Variants in FBXL7 observed in about 807,000 individuals in gnomAD.
FBXL7 encodes the protein F-box and leucine rich repeat protein 7.
Under a neutral mutation model 38.3 loss-of-function variants are expected in FBXL7, and 12 were observed. The ratio of observed to expected loss-of-function variants is 0.31; its 90% CI spans 0.20 to 0.51. FBXL7 has a LOEUF of 0.51. Ranked by LOEUF, FBXL7 falls within the 20% of genes least tolerant of loss-of-function variation. The pLI is 0.98. For missense variants in FBXL7, 567 were observed against 676.4 expected (o/e 0.84, Z 1.79); for synonymous variants, 297 against 300.9 (o/e 0.99, Z 0.13).
At chr5:15,877,296 G>C (rs1023616369) in intron 2 of FBXL7, among the ~76,000 whole-genome samples, 2 of 152,216 alleles carry the variant, frequency 1.3e-5, no homozygotes, top group African/African-American at 4.8e-5. Flanking sequence ...GCCTATTTGA[G>C]AATTTGAATG....
At chr5:15,633,601 A>G (rs1266753216) in intron 2 of FBXL7, among the ~76,000 whole-genome samples, 1 of 151,820 alleles carries the variant, frequency 6.6e-6, no homozygotes, top group Non-Finnish European at 1.5e-5. Flanking sequence ...ATGCATCTGC[A>G]TTTATTTAAC....
intron 1 of FBXL7, among the ~76,000 whole-genome samples, chr5:15,598,721 A>T (rs548500206): frequency 1.3e-5 from 2 of 152,148 alleles, no homozygotes; most frequent in Admixed American, 1.3e-4. Context: ...GAGAGCACGC[A>T]TCTCTTTCTT....
At chr5:15,657,946 C>T (rs1190298515) in intron 2 of FBXL7, among the ~76,000 whole-genome samples, 1 of 152,056 alleles carries the variant, frequency 6.6e-6, no homozygotes, top group Admixed American at 6.6e-5. Flanking sequence ...TAAATTCTGC[C>T]TAAGGTGGAA....
intron 1 of FBXL7, among the ~76,000 whole-genome samples, chr5:15,599,625 T>C (rs765502798): frequency 6.6e-6 from 1 of 152,118 alleles, no homozygotes; most frequent in Non-Finnish European, 1.5e-5. Flanking sequence ...TCTCCTCCAG[T>C]TTTCCTTTCC....
At chr5:15,819,958 C>T (rs1738127298) in intron 2 of FBXL7, among the ~76,000 whole-genome samples, 2 of 152,182 alleles carry the variant, frequency 1.3e-5, no homozygotes, top group African/African-American at 2.4e-5. Flanking sequence ...GGTGATTTCT[C>T]CTCCTTTTCA....
chr5:15,722,199 T>C (rs1419205215), intron 2 of FBXL7, among the ~76,000 whole-genome samples: 1 of 152,230 alleles, frequency 6.6e-6, no homozygotes, highest in Non-Finnish European at 1.5e-5. Context: ...CTCAAAAATA[T>C]ACTGTAAACT....
intron 2 of FBXL7, among the ~76,000 whole-genome samples, chr5:15,782,476 C>G (rs988312622): frequency 9.9e-5 from 15 of 152,196 alleles, no homozygotes; most frequent in African/African-American, 3.6e-4. Flanking sequence ...TCTCCACATC[C>G]TCTCCAGCAT....
In FBXL7 at chr5:15,585,246, A is replaced by C. The variant is rs562464359; in HGVS notation, c.38-30737A>C. On this transcript the variant is annotated intron_variant, in intron 1 of 3. Coordinates refer to ENST00000504595, the MANE Select transcript of FBXL7 (RefSeq NM_012304.5). ...GATGAAAGGAAAGACAGAAATGTAC[A>C]CTGAGACCAAACCATGAACCTAATT... 2.0e-5 allele frequency among the ~76,000 whole-genome samples: 3 copies of C among 152,310 alleles called. No individual in the cohort carries two copies. The South Asian group carries it at 6.2e-4, about 32-fold the overall frequency.
intron 2 of FBXL7, among the ~76,000 whole-genome samples, chr5:15,830,485 AACAC>A (rs57825713): frequency 0.036 from 5,252 of 144,182 alleles, 152 homozygotes; most frequent in African/African-American, 0.07. Flanking sequence ...CTCCATCTAA[AACAC>A]ACACACACAC....
At chr5:15,742,473 C>G (rs952010661) in intron 2 of FBXL7, among the ~76,000 whole-genome samples, 1 of 152,132 alleles carries the variant, frequency 6.6e-6, no homozygotes, top group African/African-American at 2.4e-5. Flanking sequence ...CTCCCTACCC[C>G]CAGAACAGTG....
At chr5:15,556,081 T>TGTC (rs1738229939) in intron 1 of FBXL7, among the ~76,000 whole-genome samples, 1 of 117,520 alleles carries the variant, frequency 8.5e-6, no homozygotes, top group Non-Finnish European at 1.7e-5. Flanking sequence ...GTTTATTATC[T>TGTC]ATCATCTATC....
At chr5:15,865,164 C>T (rs1739650639) in intron 2 of FBXL7, among the ~76,000 whole-genome samples, 1 of 152,262 alleles carries the variant, frequency 6.6e-6, no homozygotes, top group East Asian at 1.9e-4. Context: ...TTCCAGCCCC[C>T]AAAAGGTCTC....
At chr5:15,867,757 G>A (rs902840317) in intron 2 of FBXL7, among the ~76,000 whole-genome samples, 1 of 152,166 alleles carries the variant, frequency 6.6e-6, no homozygotes, top group Non-Finnish European at 1.5e-5. Context: ...CAACAAAGAG[G>A]CAGGAAAGAT....
chr5:15,855,754 A>G (rs1006700622), intron 2 of FBXL7, among the ~76,000 whole-genome samples: 5 of 152,182 alleles, frequency 3.3e-5, no homozygotes, highest in African/African-American at 9.6e-5. Context: ...AGGCTTTGTG[A>G]TAGTGAATTT....
In FBXL7 at chr5:15,707,174, G is replaced by GTTTTTTTTTTTTTTTTTTTTT. The variant is rs71603796; in HGVS notation, c.127+91105_127+91125dup. On this transcript the variant is annotated intron_variant, in intron 2 of 3. Coordinates refer to ENST00000504595, the MANE Select transcript of FBXL7 (RefSeq NM_012304.5). ...AGGTAGTGTTTCTTTTTTTCTTTTC[G>GTTTTTTTTTTTTTTTTTTTTT]TTTTTTTTTTTTTTTTTTTTTTTGC... Among the ~76,000 whole-genome samples the GTTTTTTTTTTTTTTTTTTTTT allele has an allele frequency of 1.9e-3, 136 of 70,408 alleles. 1 individual carries two copies. The highest frequency in any genetic ancestry group is 2.4e-3 in the East Asian group (5 of 2,058). 46.2% of individuals were successfully genotyped at this position (70,408 alleles called of 152,430 possible).
intron 2 of FBXL7, among the ~76,000 whole-genome samples, chr5:15,726,782 T>G (rs1293871994): frequency 1.3e-5 from 2 of 152,154 alleles, no homozygotes; most frequent in African/African-American, 2.4e-5. Flanking sequence ...TAGTCCATTC[T>G]TATAATCTGT....
chr5:15,709,621 A>AG (rs1743800058), intron 2 of FBXL7, among the ~76,000 whole-genome samples: 1 of 30,180 alleles, frequency 3.3e-5, no homozygotes, highest in Non-Finnish European at 8.0e-5. Flanking sequence ...GTCTGTGGCT[A>AG]TTACTCTTGT....
At chr5:15,877,398 A>G (rs373109404) in intron 2 of FBXL7, among the ~76,000 whole-genome samples, 4 of 152,336 alleles carry the variant, frequency 2.6e-5, no homozygotes, top group East Asian at 1.9e-4. Flanking sequence ...ATGGCAACAG[A>G]AATAATAATT....
intron 1 of FBXL7, among the ~76,000 whole-genome samples, chr5:15,586,544 A>T (rs950261898): frequency 1.3e-5 from 2 of 152,006 alleles, no homozygotes; most frequent in African/African-American, 4.8e-5. Context: ...AGAAGCTATG[A>T]TGGAGAAACC....
Sources: allele counts gnomAD v4.1 joint callset (sites outside exome capture counted in the v4.1 genomes callset), GRCh38; gene constraint gnomAD v4.1.1; transcripts MANE v1.5; gene names NCBI Gene and HGNC (gene_info 2026-07-23, HGNC 2026-07-21).